LARP1: variants seen among roughly 807,000 people sequenced by gnomAD.
LARP1 encodes the protein La ribonucleoprotein 1, translational regulator.
LARP1 carries 36 observed loss-of-function variants against 122.7 expected under a neutral mutation model. That is an observed-to-expected ratio of 0.29 (90% CI 0.22 to 0.39). LARP1 has a LOEUF of 0.39. Ranked by LOEUF, LARP1 falls within the 10% of genes least tolerant of loss-of-function variation. The pLI, the probability that LARP1 is intolerant of heterozygous loss-of-function variation, is 1.00. For missense variants in LARP1, 1,040 were observed against 1,403.6 expected (o/e 0.74, Z 4.14); for synonymous variants, 539 against 528.7 (o/e 1.02, Z -0.27).
Position 154,755,821 on chromosome 5 carries a change from G to C in LARP1, c.64G>C (p.Gly22Arg), listed in dbSNP as rs981544827. Residue 22 changes from glycine (G) to arginine (R), a missense_variant, in exon 1 of 19, where the codon GGG becomes CGG. Transcript: ENST00000518297. ...CACGCTCTTGCAGGCCGAAGAGCAC[G>C]GGGGGCTGGTGAGGAAGAAGCCGCC... Reference protein sequence around the residue: ...GATLLQAEEHGGLVRKKPPPA... With the variant: ...GATLLQAEEHRGLVRKKPPPA... 3 of 999,514 alleles carry C rather than the reference G, an allele frequency of 3.0e-6. No individual in the cohort carries two copies. The highest frequency in any genetic ancestry group is 7.8e-5 in the South Asian group (2 of 25,656). 61.9% of individuals were successfully genotyped at this position (999,514 alleles called of 1,614,324 possible). A position where few individuals can be genotyped will look rare whatever the true frequency, so the allele number is the denominator to read the frequency against.
intron 15 of LARP1, among the ~76,000 whole-genome samples, chr5:154,807,402 A>G (rs1031348884): frequency 6.6e-6 from 1 of 152,190 alleles, no homozygotes; most frequent in Non-Finnish European, 1.5e-5. Context: ...TGACAAAATT[A>G]AACTCTGTTT....
chr5:154,697,557 T>A (rs1413048460), intron 1 of LARP1, among the ~76,000 whole-genome samples: 2 of 152,214 alleles, frequency 1.3e-5, no homozygotes, highest in African/African-American at 4.8e-5. Flanking sequence ...GGTAGATTCA[T>A]ACATTGGAAT....
intron 1 of LARP1, among the ~76,000 whole-genome samples, chr5:154,762,467 C>T (rs1002414194): frequency 6.6e-6 from 1 of 152,150 alleles, no homozygotes; most frequent in African/African-American, 2.4e-5. Context: ...CTTCACATGG[C>T]TAATAGCCTG....
chr5:154,721,877 C>A (rs866652417), intron 1 of LARP1, among the ~76,000 whole-genome samples: 2 of 152,136 alleles, frequency 1.3e-5, no homozygotes, highest in African/African-American at 4.8e-5. Context: ...TACTGACAAA[C>A]CAGATATTCC....
intron 1 of LARP1, among the ~76,000 whole-genome samples, chr5:154,727,961 A>T (rs1467505281): frequency 2.0e-5 from 3 of 152,138 alleles, no homozygotes; most frequent in Non-Finnish European, 4.4e-5. Context: ...CCAGCTACTC[A>T]GCAGGCTGAG....
rs760241814 is a variant in LARP1, at chr5:154,756,112, G to GC, written c.362dup (p.Pro122AlafsTer8). Reference sequence around the variant, plus strand: ...CGCGGGGCGCCGGGACTTCGTGGAAGCCCCCCCGCCCAAGGTGAACCCGTG... The same window carrying GC: ...CGCGGGGCGCCGGGACTTCGTGGAAGCCCCCCCCGCCCAAGGTGAACCCGTG... On this transcript the variant is annotated frameshift_variant, in exon 1 of 19. Coordinates refer to ENST00000518297, the MANE Select transcript of LARP1 (RefSeq NM_033551.3). LOFTEE classifies it high-confidence loss of function. 62 of 1,219,106 alleles carry GC rather than the reference G, an allele frequency of 5.1e-5. No homozygotes were observed. The highest frequency in any genetic ancestry group is 2.0e-4 in the South Asian group (14 of 68,806). The allele number at this position is 1,219,106 out of a possible 1,614,324, so 75.5% of individuals were successfully genotyped here. A position where few individuals can be genotyped will look rare whatever the true frequency, so the allele number is the denominator to read the frequency against.
chr5:154,702,555 TC>T (rs1454723772), intron 1 of LARP1, among the ~76,000 whole-genome samples: 1 of 140,934 alleles, frequency 7.1e-6, no homozygotes, highest in Non-Finnish European at 1.5e-5. Context: ...AAACTCCATC[TC>T]CAAAAAAAAA....
chr5:154,726,807 C>G (rs1756242282), intron 1 of LARP1, among the ~76,000 whole-genome samples: 1 of 152,116 alleles, frequency 6.6e-6, no homozygotes. Flanking sequence ...CTGGGGAGGC[C>G]TCAGGAAACT....
intron 1 of LARP1, among the ~76,000 whole-genome samples, chr5:154,763,701 CAATT>C (rs1421324557): frequency 5.3e-5 from 8 of 151,724 alleles, no homozygotes. Context: ...CATCCTTTGA[CAATT>C]AAACACTGTG....
chr5:154,799,463 A>T lies in LARP1; in HGVS notation c.1378-128A>T, dbSNP rs1486366322. On this transcript the variant is annotated intron_variant, in intron 8 of 18. Transcript: ENST00000518297. ...TCTACCAGTCGTGGAAGATGGTGTC[A>T]ATTTTCTTATATTACTGGTAGCATT... 4.4e-6 allele frequency: 4 copies of T among 911,826 alleles called. No homozygotes were observed. The East Asian group carries it at 9.7e-5, about 22-fold the overall frequency. 56.5% of individuals were successfully genotyped at this position (911,826 alleles called of 1,614,324 possible). A position where few individuals can be genotyped will look rare whatever the true frequency, so the allele number is the denominator to read the frequency against.
At chr5:154,725,180 A>T (rs1756126994) in intron 1 of LARP1, among the ~76,000 whole-genome samples, 2 of 151,958 alleles carry the variant, frequency 1.3e-5, no homozygotes, top group Admixed American at 1.3e-4. Flanking sequence ...TCATGAGGTC[A>T]GGAGTTCAAG....
intron 1 of LARP1, among the ~76,000 whole-genome samples, chr5:154,732,941 A>C (rs1404460068): frequency 1.3e-5 from 2 of 152,072 alleles, no homozygotes; most frequent in Non-Finnish European, 2.9e-5. Flanking sequence ...CCTCAGATTG[A>C]AGTTGGTCCT....
chr5:154,775,105 T>G (rs1373360376), intron 1 of LARP1, among the ~76,000 whole-genome samples: 1 of 152,080 alleles, frequency 6.6e-6, no homozygotes, highest in East Asian at 1.9e-4. Context: ...GCCTAGGAGT[T>G]TCAGTCTAGC....
chr5:154,800,590 A>G (rs888865374), intron 10 of LARP1, among the ~76,000 whole-genome samples: 8 of 152,216 alleles, frequency 5.3e-5, no homozygotes, highest in African/African-American at 1.7e-4. Flanking sequence ...GGAAGGAGAC[A>G]TTAGAATATT....
At chr5:154,701,376 A>G (rs958365760) in intron 1 of LARP1, among the ~76,000 whole-genome samples, 3 of 152,020 alleles carry the variant, frequency 2.0e-5, no homozygotes, top group African/African-American at 7.3e-5. Context: ...TTTACAGTGG[A>G]TATTTGTTTT....
intron 1 of LARP1, among the ~76,000 whole-genome samples, chr5:154,747,305 CAAAAAAA>C (rs1159076798): frequency 1.3e-5 from 1 of 74,586 alleles, no homozygotes; most frequent in Admixed American, 1.5e-4. Flanking sequence ...GACTCTGTCC[CAAAAAAA>C]AAAAAAAAGA....
intron 1 of LARP1, among the ~76,000 whole-genome samples, chr5:154,721,058 G>A (rs999954670): frequency 2.0e-5 from 3 of 151,658 alleles, no homozygotes; most frequent in Non-Finnish European, 2.9e-5. Flanking sequence ...AAAAAAAGAG[G>A]GGTGCTGGGC....
chr5:154,704,990 C>T (rs1374242749), intron 1 of LARP1, among the ~76,000 whole-genome samples: 1 of 151,654 alleles, frequency 6.6e-6, no homozygotes, highest in Non-Finnish European at 1.5e-5. Flanking sequence ...TGGTGGCATG[C>T]GCCTGTAATC....
chr5:154,790,839 CAG>C (rs1404296180), intron 3 of LARP1, 129 bp downstream of exon 3: 5 of 844,482 alleles, frequency 5.9e-6, no homozygotes, highest in South Asian at 3.3e-5. Context: ...TTCCCCCCAA[CAG>C]AGTTTCACTC....
Sources: gnomAD v4.1 joint callset for allele counts (sites outside exome capture counted in the v4.1 genomes callset) on GRCh38, gnomAD v4.1.1 for gene constraint, MANE v1.5 for transcripts, NCBI Gene and HGNC (gene_info 2026-07-23, HGNC 2026-07-21) for gene names.